PTAR1: variants seen among roughly 807,000 people sequenced by gnomAD.
The protein encoded by PTAR1 is protein prenyltransferase alpha subunit repeat-containing protein 1.
Under a neutral mutation model 45.5 loss-of-function variants are expected in PTAR1, and 17 were observed. The observed-to-expected ratio is 0.37, with a 90% confidence interval of 0.26 to 0.56. PTAR1 has a LOEUF of 0.56. Among genes scored for constraint, PTAR1 ranks in the 20% least tolerant of loss-of-function variants. PTAR1 has a pLI of 0.77. For synonymous variants in PTAR1, 169 were observed against 171.3 expected, an observed-to-expected ratio of 0.99 and a Z score of 0.11; for missense variants, 391 against 476.3, an observed-to-expected ratio of 0.82 and a Z score of 1.67.
intron 2 of PTAR1, among the ~76,000 whole-genome samples, chr9:69,742,424 G>T (rs539243966): frequency 2.7e-4 from 41 of 152,102 alleles, no homozygotes; most frequent in Middle Eastern, 6.8e-3. Context: ...TATTGCTAGA[G>T]TATGTATTTT....
chr9:69,736,812 G>C (rs2134124170), intron 3 of PTAR1, among the ~76,000 whole-genome samples: 1 of 152,128 alleles, frequency 6.6e-6, no homozygotes, highest in East Asian at 1.9e-4. Context: ...GAAAAAAATG[G>C]GGACTCCGTT....
At chr9:69,726,849 A>G (rs1825305798) in intron 5 of PTAR1, among the ~76,000 whole-genome samples, 1 of 151,644 alleles carries the variant, frequency 6.6e-6, no homozygotes, top group African/African-American at 2.4e-5. Context: ...CATATTAAAG[A>G]TATTAAGTCT....
chr9:69,752,730 A>G (rs1254864660), intron 1 of PTAR1, among the ~76,000 whole-genome samples: 2 of 152,068 alleles, frequency 1.3e-5, no homozygotes, highest in African/African-American at 4.8e-5. Context: ...TACTACTCCA[A>G]TAATATAAAC....
chr9:69,740,922 T>C (rs1382492736), intron 3 of PTAR1, among the ~76,000 whole-genome samples: 2 of 152,242 alleles, frequency 1.3e-5, no homozygotes, highest in African/African-American at 2.4e-5. Context: ...ATAAAAATTA[T>C]TAATGAGATA....
In PTAR1 at chr9:69,723,479, C is replaced by A; in HGVS notation, c.794G>T (p.Ser265Ile). The change falls in exon 6 of 8, where the codon AGT becomes ATT. Residue 265 changes from serine (S) to isoleucine (I), a missense_variant. This residue lies in a region of PTAR1 where 181 missense variants were observed against 227.7 expected (regional missense o/e 0.80). Transcript: ENST00000340434. ...SSVMEQNPLR[S>I]EPALVPPKDE... ...TTTTGGAGGAACTAGGGCTGGCTCA[C>A]TTCTCAAAGGATTTTGCTCCATCAC... 1 of 1,613,896 alleles carries A rather than the reference C, an allele frequency of 6.2e-7. No individual in the cohort carries two copies. The highest frequency in any genetic ancestry group is 1.3e-5 in the African/African-American group (1 of 75,030).
chr9:69,754,851 G>A (rs1388795464), intron 1 of PTAR1, among the ~76,000 whole-genome samples: 2 of 151,804 alleles, frequency 1.3e-5, no homozygotes, highest in Non-Finnish European at 2.9e-5. Flanking sequence ...ACTGTGCCCA[G>A]CTGGGTATAC....
At position 69,718,655 on chromosome 9, in the gene PTAR1, A is replaced by G; in HGVS notation, c.977T>C (p.Leu326Ser). 1.3e-6 allele frequency: 2 copies of G among 1,597,990 alleles called. No individual in the cohort carries two copies. The highest frequency in any genetic ancestry group is 1.7e-6 in the Non-Finnish European group (2 of 1,170,806). The change falls in exon 7 of 8, where the codon TTA becomes TCA. Residue 326 changes from leucine (L) to serine (S), a missense_variant. Leu to Ser is a moderately radical substitution (Grantham distance 145). Around this residue, in one of 5 missense-constraint regions of PTAR1, gnomAD observed 181 missense variants for 227.7 expected, o/e 0.80. Coordinates refer to ENST00000340434, the MANE Select transcript of PTAR1 (RefSeq NM_001099666.2). The part of the protein sequence containing the change: ...RRHIFYLQHH[L>S]NAGSQLSQAM... ...CATGCTGTGAGGAAACCTACCATTT[A>G]AGTGATGCTGAAGGTAGAAAATATG...
intron 5 of PTAR1, among the ~76,000 whole-genome samples, chr9:69,724,966 T>C (rs907832099): frequency 1.3e-5 from 2 of 152,210 alleles, no homozygotes; most frequent in East Asian, 1.9e-4. Flanking sequence ...CCAGAGGCTA[T>C]AGCTGGCAAG....
chr9:69,719,861 G>A (rs552156707), intron 6 of PTAR1, among the ~76,000 whole-genome samples: 2 of 152,068 alleles, frequency 1.3e-5, no homozygotes, highest in Non-Finnish European at 2.9e-5. Flanking sequence ...GATCTTTGAT[G>A]TTACTACTAT....
intron 2 of PTAR1, among the ~76,000 whole-genome samples, chr9:69,744,522 A>T (rs1238011895): frequency 6.6e-6 from 1 of 151,892 alleles, no homozygotes; most frequent in African/African-American, 2.4e-5. Context: ...AGTAGCTGGG[A>T]CTACAGGCGC....
rs1824612667 is a variant in PTAR1, at chr9:69,713,718, T to G, written c.*4624A>C. The G allele has an allele frequency of 6.6e-6, 1 of 152,094 alleles. No individual in the cohort carries two copies. Among genetic ancestry groups the G allele is most frequent in the African/African-American group, 2.4e-5 (1 of 41,424 alleles). The allele number at this position is 152,094 out of a possible 1,614,324, so 9.4% of individuals were successfully genotyped here. ...CGCAGGTTTCAGGCTAATCTATTTG[T>G]GCACACACCATCCTCTAAATGGGAT... On this transcript the variant is annotated 3_prime_UTR_variant, in exon 8 of 8. Transcript: ENST00000340434.
intron 4 of PTAR1, among the ~76,000 whole-genome samples, chr9:69,733,604 CTTTG>C (rs999500830): frequency 6.6e-6 from 1 of 152,094 alleles, no homozygotes; most frequent in African/African-American, 2.4e-5. Context: ...TAAAAATGTT[CTTTG>C]TATGTATGGA....
rs1471159326 is a variant in PTAR1 at position 69,711,752 on chromosome 9, C to T, written c.*6590G>A. On this transcript the variant is annotated 3_prime_UTR_variant, in exon 8 of 8. Coordinates refer to ENST00000340434, the MANE Select transcript of PTAR1 (RefSeq NM_001099666.2). ...ATCTTTCACATCTCCTATCTTTCAA[C>T]TATGTTCTGTATAAATAATACTTCT... The T allele has an allele frequency of 6.6e-6, 1 of 152,118 alleles. No individual in the cohort carries two copies. Among genetic ancestry groups the T allele is most frequent in the Non-Finnish European group, 1.5e-5 (1 of 68,008 alleles). The allele number at this position is 152,118 out of a possible 1,614,324, so 9.4% of individuals were successfully genotyped here.
chr9:69,738,894 G>T (rs1407398950), intron 3 of PTAR1, among the ~76,000 whole-genome samples: 2 of 147,698 alleles, frequency 1.4e-5, no homozygotes, highest in African/African-American at 5.0e-5. Context: ...TGCAACCTCC[G>T]CCTCCCAGGT....
intron 1 of PTAR1, among the ~76,000 whole-genome samples, chr9:69,756,194 A>G (rs1307644972): frequency 2.0e-5 from 3 of 152,182 alleles, no homozygotes; most frequent in Non-Finnish European, 2.9e-5. Flanking sequence ...TTACTAAAAA[A>G]TGTTCACTGG....
At chr9:69,754,722 A>AT (rs60535913) in intron 1 of PTAR1, among the ~76,000 whole-genome samples, 18,651 of 141,012 alleles carry the variant, frequency 0.13, 1,318 homozygotes, top group East Asian at 0.25. Flanking sequence ...ATATATATAT[A>AT]TTTTTTTTTT....
At chr9:69,735,318 A>G (rs1234744474) in intron 3 of PTAR1, among the ~76,000 whole-genome samples, 2 of 152,220 alleles carry the variant, frequency 1.3e-5, no homozygotes, top group African/African-American at 4.8e-5. Flanking sequence ...GTGTTGCCAT[A>G]TAACCTACAC....
chr9:69,735,456 G>A (rs1286688399), intron 3 of PTAR1, among the ~76,000 whole-genome samples: 2 of 152,090 alleles, frequency 1.3e-5, no homozygotes, highest in African/African-American at 4.8e-5. Flanking sequence ...GAACATGTTC[G>A]CTACAGAAAG....
At position 69,713,445 on chromosome 9, in the gene PTAR1, A is replaced by G. The variant is rs1214210982; in HGVS notation, c.*4897T>C. 3 of 152,134 alleles carry G rather than the reference A, an allele frequency of 2.0e-5. No homozygotes were observed. Among genetic ancestry groups the G allele is most frequent in the Non-Finnish European group, 4.4e-5 (3 of 68,008 alleles). The allele number at this position is 152,134 out of a possible 1,614,324, so 9.4% of individuals were successfully genotyped here. ...GAAATTATATTTGCTATCTTGAAAT[A>G]TGGAATTCCTATCCCTCCCTTCTCC... On this transcript the variant is annotated 3_prime_UTR_variant, in exon 8 of 8. Transcript: ENST00000340434.
Sources: allele counts gnomAD v4.1 joint callset (sites outside exome capture counted in the v4.1 genomes callset), GRCh38; gene constraint gnomAD v4.1.1; regional missense constraint gnomAD v4.1.1; transcripts MANE v1.5; gene names NCBI Gene and HGNC (gene_info 2026-07-23, HGNC 2026-07-21).